CRYBG1: variants seen among roughly 807,000 people sequenced by gnomAD.
The protein encoded by CRYBG1 is crystallin beta-gamma domain containing 1, also known as beta/gamma crystallin domain-containing protein 1.
In CRYBG1, 139 loss-of-function variants were observed where a neutral mutation model predicts 189.2. That is an observed-to-expected ratio of 0.73 (90% confidence interval 0.64 to 0.85). The LOEUF is 0.85. Among genes scored for constraint, CRYBG1 ranks in the 40% least tolerant of loss-of-function variants. The pLI is 0.00. For missense variants in CRYBG1, 2,611 were observed against 2,675.8 expected (o/e 0.98, Z 0.53); for synonymous variants, 1,023 against 1,017.1 (o/e 1.01, Z -0.11).
intron 20 of CRYBG1, among the ~76,000 whole-genome samples, chr6:106,562,631 C>T (rs1426139606): frequency 6.6e-6 from 1 of 151,982 alleles, no homozygotes. Context: ...GGACTACAGG[C>T]GTGTGCCACC....
intron 2 of CRYBG1, among the ~76,000 whole-genome samples, chr6:106,476,694 G>T (rs1311798015): frequency 2.6e-5 from 4 of 152,144 alleles, no homozygotes; most frequent in Admixed American, 6.5e-5. Flanking sequence ...TTAGCTTATA[G>T]ATATAATTCA....
intron 1 of CRYBG1, among the ~76,000 whole-genome samples, chr6:106,384,276 C>T (rs752197379): frequency 2.6e-5 from 4 of 152,144 alleles, no homozygotes; most frequent in Admixed American, 6.6e-5. Context: ...GGTCCCCAAC[C>T]TTTTTGGCAC....
Position 106,520,298 on chromosome 6 carries a change from A to T in CRYBG1, c.3090A>T (p.Ile1030=), listed in dbSNP as rs1421338191. The T allele has an allele frequency of 6.2e-7, 1 of 1,614,134 alleles. No individual in the cohort carries two copies. Among genetic ancestry groups the T allele is most frequent in the Non-Finnish European group, 8.5e-7 (1 of 1,180,010 alleles). Residue 1030 remains isoleucine (I), a synonymous_variant, in exon 4 of 22, where the codon ATA becomes ATT. Coordinates refer to ENST00000633556, the MANE Select transcript of CRYBG1 (RefSeq NM_001371242.2). The part of the protein sequence containing the change: ...ELAAKSGPQV[I]PPASEKTLPI... ...CGGCAAAATCTGGCCCACAAGTCAT[A>T]CCGCCAGCATCAGAGAAAACTCTGC...
rs994106710 is a variant in CRYBG1 at position 106,498,738 on chromosome 6, A to G, written c.313-12692A>G. Among the ~76,000 whole-genome samples, 4 of 152,002 alleles carry G rather than the reference A, an allele frequency of 2.6e-5. No homozygotes were observed. In the East Asian group the frequency reaches 7.7e-4, roughly 29 times the overall value. ...AAAAATACAAAATTAGCCAGGCGTG[A>G]TGGTGAGCACCTGTAATCCCAGCTA... On this transcript the variant is annotated intron_variant, in intron 2 of 21. Transcript: ENST00000633556.
chr6:106,426,487 A>G (rs1014903081), intron 1 of CRYBG1, among the ~76,000 whole-genome samples: 1 of 152,122 alleles, frequency 6.6e-6, no homozygotes, highest in African/African-American at 2.4e-5. Context: ...CCCCTTTCTG[A>G]TTGGAACCCA....
At chr6:106,563,025 T>G (rs1214311339) in intron 20 of CRYBG1, among the ~76,000 whole-genome samples, 1 of 151,910 alleles carries the variant, frequency 6.6e-6, no homozygotes, top group Non-Finnish European at 1.5e-5. Context: ...AGATAGGGTC[T>G]CACAAGTGAT....
At chr6:106,417,544 A>G (rs1011207909) in intron 1 of CRYBG1, among the ~76,000 whole-genome samples, 4 of 152,242 alleles carry the variant, frequency 2.6e-5, no homozygotes, top group Non-Finnish European at 5.9e-5. Flanking sequence ...GTTTCTGTAA[A>G]GATAACCAAG....
At position 106,511,948 on chromosome 6, in the gene CRYBG1, G is replaced by A; in HGVS notation, c.831G>A (p.Glu277=). The A allele has an allele frequency of 6.5e-7, 1 of 1,527,504 alleles. No homozygotes were observed. The highest frequency in any genetic ancestry group is 1.7e-4 in the Middle Eastern group (1 of 5,952). 94.6% of individuals were successfully genotyped at this position (1,527,504 alleles called of 1,614,324 possible). A position where few individuals can be genotyped will look rare whatever the true frequency, so the allele number is the denominator to read the frequency against. ...NAETPARSPG[E]DASPGAGHEQ... ...AGACGCCCGCCCGCAGTCCGGGGGA[G>A]GACGCTTCACCAGGTGCTGGCCACG... The change falls in exon 3 of 22, where the codon GAG becomes GAA. Residue 277 remains glutamate (E), a synonymous_variant. Transcript: ENST00000633556.
intron 2 of CRYBG1, among the ~76,000 whole-genome samples, chr6:106,493,030 C>T (rs1428650290): frequency 1.3e-5 from 2 of 150,822 alleles, no homozygotes; most frequent in African/African-American, 4.9e-5. Flanking sequence ...TATCCTTTTA[C>T]ATAGACTTAC....
chr6:106,462,848 A>G (rs187925357), intron 2 of CRYBG1, among the ~76,000 whole-genome samples: 32 of 152,302 alleles, frequency 2.1e-4, no homozygotes, highest in African/African-American at 7.0e-4. Context: ...ATTATCCCCA[A>G]TTCCTGTTTG....
At position 106,560,836 on chromosome 6, in the gene CRYBG1, G is replaced by A. The variant is rs908933726; in HGVS notation, c.5889G>A (p.Gly1963=). The A allele has an allele frequency of 3.1e-6, 5 of 1,612,950 alleles. No homozygotes were observed. The African/African-American group carries it at 6.7e-5, about 22-fold the overall frequency. Residue 1963 remains glycine (G), a synonymous_variant, in exon 19 of 22, where the codon GGG becomes GGA. Transcript: ENST00000633556. The stretch of plus-strand genomic sequence containing the variant: ...CTTATGAATATGGCAGTTACAGAGG[G>A]CGACAGTTCCTATTGTCACCTGCAG... The part of the protein sequence containing the change: ...WVTYEYGSYR[G]RQFLLSPAEV...
At chr6:106,535,190 G>A (rs759184829) in intron 8 of CRYBG1, among the ~76,000 whole-genome samples, 21 of 152,042 alleles carry the variant, frequency 1.4e-4, no homozygotes, top group Non-Finnish European at 2.1e-4. Flanking sequence ...GCTGCCCACC[G>A]TGGTTACACA....
At chr6:106,558,270 C>T (rs1774607266) in intron 17 of CRYBG1, among the ~76,000 whole-genome samples, 1 of 151,908 alleles carries the variant, frequency 6.6e-6, no homozygotes, top group Non-Finnish European at 1.5e-5. Flanking sequence ...TTTATATTTA[C>T]CTGCCTTCCT....
At chr6:106,425,024 T>A (rs1771200604) in intron 1 of CRYBG1, among the ~76,000 whole-genome samples, 3 of 152,216 alleles carry the variant, frequency 2.0e-5, no homozygotes, top group Admixed American at 2.0e-4. Flanking sequence ...GGATGTTACC[T>A]TTCTTGCCTC....
chr6:106,466,687 G>A (rs1442438243), intron 2 of CRYBG1, among the ~76,000 whole-genome samples: 1 of 152,128 alleles, frequency 6.6e-6, no homozygotes, highest in African/African-American at 2.4e-5. Flanking sequence ...TGTTCTTTCT[G>A]TCTTACAATT....
At chr6:106,375,105 A>G (rs1440343600) in intron 1 of CRYBG1, among the ~76,000 whole-genome samples, 2 of 152,162 alleles carry the variant, frequency 1.3e-5, no homozygotes, top group Non-Finnish European at 2.9e-5. Context: ...CACTGTGGCC[A>G]GGCGTGGTGG....
At chr6:106,402,249 T>TC (rs1467092884) in intron 1 of CRYBG1, among the ~76,000 whole-genome samples, 1 of 106,744 alleles carries the variant, frequency 9.4e-6, no homozygotes, top group Non-Finnish European at 1.9e-5. Context: ...TTCAATGCCA[T>TC]CCCCATCAAG....
At chr6:106,517,463 T>TACACACACACATATATATATACAC (rs1470765721) in intron 3 of CRYBG1, among the ~76,000 whole-genome samples, 1 of 105,412 alleles carries the variant, frequency 9.5e-6, no homozygotes, top group Admixed American at 9.2e-5. Context: ...CATATATATA[T>TACACACACACATATATATATACAC]ACACACACAC....
intron 1 of CRYBG1, among the ~76,000 whole-genome samples, chr6:106,401,407 T>A (rs1442720545): frequency 1.2e-5 from 1 of 83,750 alleles, no homozygotes; most frequent in African/African-American, 4.1e-5. Flanking sequence ...TTTTTTTTAA[T>A]TTTCTTTTTT....
Sources: allele counts gnomAD v4.1 joint callset (sites outside exome capture counted in the v4.1 genomes callset), GRCh38; gene constraint gnomAD v4.1.1; transcripts MANE v1.5; gene names NCBI Gene and HGNC (gene_info 2026-07-23, HGNC 2026-07-21).